INSYN2B: variants seen among roughly 807,000 people sequenced by gnomAD.
The protein encoded by INSYN2B is protein INSYN2B.
A neutral mutation model predicts 41.2 loss-of-function variants in INSYN2B; 16 were observed. The ratio of observed to expected loss-of-function variants is 0.39; its 90% CI spans 0.26 to 0.59. The LOEUF is 0.59. Ranked by LOEUF, INSYN2B falls within the 20% of genes least tolerant of loss-of-function variation. The pLI is 0.57. For missense variants in INSYN2B, 608 were observed against 646.4 expected (o/e 0.94, Z 0.64); for synonymous variants, 245 against 244.4 (o/e 1.00, Z -0.02).
chr5:169,907,132 G>A (rs1264865256), intron 1 of INSYN2B, among the ~76,000 whole-genome samples: 2 of 152,122 alleles, frequency 1.3e-5, no homozygotes, highest in Admixed American at 1.3e-4. Flanking sequence ...GATATGGCCG[G>A]GGATGCATCT....
At chr5:169,888,179 G>A (rs1773082287) in intron 1 of INSYN2B, among the ~76,000 whole-genome samples, 1 of 152,168 alleles carries the variant, frequency 6.6e-6, no homozygotes, top group South Asian at 2.1e-4. Flanking sequence ...TCCTGCCCTT[G>A]ATGTCCACCA....
At chr5:169,917,595 C>G (rs1193968031) in intron 1 of INSYN2B, among the ~76,000 whole-genome samples, 1 of 152,132 alleles carries the variant, frequency 6.6e-6, no homozygotes, top group Non-Finnish European at 1.5e-5. Flanking sequence ...TGATGATTTT[C>G]TAATCGATTG....
intron 3 of INSYN2B, among the ~76,000 whole-genome samples, chr5:169,878,198 G>A (rs1366984276): frequency 1.3e-5 from 2 of 152,116 alleles, no homozygotes; most frequent in African/African-American, 4.8e-5. Context: ...GAGGGACCTC[G>A]TGCCCTTGAG....
intron 1 of INSYN2B, among the ~76,000 whole-genome samples, chr5:169,936,929 C>A (rs943500415): frequency 6.6e-6 from 1 of 152,162 alleles, no homozygotes; most frequent in Admixed American, 6.5e-5. Context: ...ACAGAAAAAT[C>A]AAACAAAGCT....
chr5:169,978,175 A>G lies in INSYN2B; in HGVS notation c.-919+2102T>C, dbSNP rs370642459. On this transcript the variant is annotated intron_variant, in intron 1 of 3. Coordinates refer to ENST00000377365, the MANE Select transcript of INSYN2B (RefSeq NM_001129891.3). ...GTATCACATAGTAATGTTGGCATTT[A>G]GGTAGCAAGCTTCCGAAGTTGGCTG... is the stretch of plus-strand genomic sequence containing the variant. Among the ~76,000 whole-genome samples the G allele has an allele frequency of 1.4e-4, 22 of 152,240 alleles. No homozygotes were observed. In the South Asian group the frequency reaches 4.4e-3, roughly 30 times the overall value.
At chr5:169,908,967 C>T (rs1451692582) in intron 1 of INSYN2B, among the ~76,000 whole-genome samples, 1 of 152,178 alleles carries the variant, frequency 6.6e-6, no homozygotes, top group African/African-American at 2.4e-5. Context: ...TCCAAGGTCA[C>T]AGAACTTGCC....
At chr5:169,874,082 C>T (rs1772157248) in intron 3 of INSYN2B, among the ~76,000 whole-genome samples, 1 of 151,476 alleles carries the variant, frequency 6.6e-6, no homozygotes, top group African/African-American at 2.4e-5. Flanking sequence ...CTGTCTGGTC[C>T]AGAAGAATTT....
At chr5:169,911,891 T>C (rs1385359562) in intron 1 of INSYN2B, among the ~76,000 whole-genome samples, 1 of 152,238 alleles carries the variant, frequency 6.6e-6, no homozygotes, top group Non-Finnish European at 1.5e-5. Context: ...TGCCCCACTG[T>C]CATCTTCACT....
chr5:169,896,119 G>A (rs1773589523), intron 1 of INSYN2B, among the ~76,000 whole-genome samples: 1 of 152,146 alleles, frequency 6.6e-6, no homozygotes, highest in South Asian at 2.1e-4. Flanking sequence ...GGGATTGGAA[G>A]GAGCTCCCAG....
At chr5:169,871,878 A>G (rs1772000945) in intron 3 of INSYN2B, among the ~76,000 whole-genome samples, 1 of 152,200 alleles carries the variant, frequency 6.6e-6, no homozygotes, top group Non-Finnish European at 1.5e-5. Flanking sequence ...GGGAGGCTGC[A>G]TACCCAAAAA....
chr5:169,970,098 C>T (rs969984571), intron 1 of INSYN2B, among the ~76,000 whole-genome samples: 1 of 152,124 alleles, frequency 6.6e-6, no homozygotes, highest in African/African-American at 2.4e-5. Flanking sequence ...CCCTGAGGCC[C>T]CTTAAAGGCA....
Position 169,864,153 on chromosome 5 carries a change from G to T in INSYN2B, c.*120C>A. On this transcript the variant is annotated 3_prime_UTR_variant, in exon 4 of 4. Transcript: ENST00000377365. ...AGCTCCAAGGCTCTTCTGTTTCACA[G>T]GCCAAGGGGCTCACAGCCCAGGGCC... 1 of 897,282 alleles carries T rather than the reference G, an allele frequency of 1.1e-6. No individual in the cohort carries two copies. Among genetic ancestry groups the T allele is most frequent in the Non-Finnish European group, 1.7e-6 (1 of 581,348 alleles). The allele number at this position is 897,282 out of a possible 1,614,324, so 55.6% of individuals were successfully genotyped here. A position where few individuals can be genotyped will look rare whatever the true frequency, so the allele number is the denominator to read the frequency against.
At chr5:169,928,886 G>A (rs1775608054) in intron 1 of INSYN2B, among the ~76,000 whole-genome samples, 1 of 152,186 alleles carries the variant, frequency 6.6e-6, no homozygotes, top group Admixed American at 6.5e-5. Context: ...TATGCCCTGG[G>A]TGTTTCTGTT....
At chr5:169,917,637 G>C (rs1050422546) in intron 1 of INSYN2B, among the ~76,000 whole-genome samples, 5 of 152,162 alleles carry the variant, frequency 3.3e-5, no homozygotes, top group African/African-American at 1.2e-4. Context: ...CGAAACACTA[G>C]AAAGTCCCAA....
intron 1 of INSYN2B, among the ~76,000 whole-genome samples, chr5:169,974,144 C>G (rs1309304284): frequency 2.0e-5 from 3 of 152,200 alleles, no homozygotes; most frequent in Non-Finnish European, 4.4e-5. Context: ...TGAAGTCAAG[C>G]TGATCTAGGC....
intron 1 of INSYN2B, among the ~76,000 whole-genome samples, chr5:169,923,440 A>G (rs1775279209): frequency 6.6e-6 from 1 of 152,024 alleles, no homozygotes; most frequent in South Asian, 2.1e-4. Context: ...CTTATTAGCA[A>G]CCTATTTGTT....
At chr5:169,901,558 A>G (rs2113580975) in intron 1 of INSYN2B, among the ~76,000 whole-genome samples, 1 of 152,302 alleles carries the variant, frequency 6.6e-6, no homozygotes, top group South Asian at 2.1e-4. Context: ...AGGATGAACC[A>G]GTGGGGAGGC....
chr5:169,879,217 A>G (rs1398566989), intron 3 of INSYN2B, among the ~76,000 whole-genome samples: 1 of 152,224 alleles, frequency 6.6e-6, no homozygotes, highest in Non-Finnish European at 1.5e-5. Context: ...CTTTATGTAC[A>G]GTGACATGCA....
chr5:169,939,190 C>T (rs905137188), intron 1 of INSYN2B, among the ~76,000 whole-genome samples: 3 of 151,040 alleles, frequency 2.0e-5, no homozygotes, highest in African/African-American at 4.9e-5. Flanking sequence ...AGGCGTGAGC[C>T]ACTGTGCCCG....
Sources: allele counts gnomAD v4.1 joint callset (sites outside exome capture counted in the v4.1 genomes callset), GRCh38; gene constraint gnomAD v4.1.1; transcripts MANE v1.5; gene names NCBI Gene and HGNC (gene_info 2026-07-23, HGNC 2026-07-21).